The following CLIP1 variants were observed in gnomAD, a reference collection of about 807,000 sequenced individuals.
CLIP1 encodes the protein CAP-Gly domain containing linker protein 1, also known as CAP-Gly domain-containing linker protein 1.
Under a neutral mutation model 161.6 loss-of-function variants are expected in CLIP1, and 66 were observed. The observed-to-expected ratio is 0.41, with a 90% CI of 0.33 to 0.50. CLIP1 has a LOEUF of 0.50. Ranked by LOEUF, CLIP1 falls within the 20% of genes least tolerant of loss-of-function variation. The probability of loss-of-function intolerance (pLI) is 0.27; values close to 1 mark genes in which losing one functional copy is unlikely to be tolerated. For synonymous variants in CLIP1, 598 were observed against 626.2 expected, an observed-to-expected ratio of 0.96 and a Z score of 0.67; for missense variants, 1,376 against 1,702.0, an observed-to-expected ratio of 0.81 and a Z score of 3.37.
intron 20 of CLIP1, among the ~76,000 whole-genome samples, chr12:122,298,455 T>A (rs1950556314): frequency 6.6e-6 from 1 of 151,648 alleles, no homozygotes; most frequent in South Asian, 2.1e-4. Context: ...TAAAAAAAAA[T>A]TAGCTGGGCG....
At chr12:122,319,681 G>C (rs763022769) in intron 17 of CLIP1, among the ~76,000 whole-genome samples, 1 of 152,182 alleles carries the variant, frequency 6.6e-6, no homozygotes, top group Non-Finnish European at 1.5e-5. Flanking sequence ...GAGACCGTTC[G>C]GAGGTAACAA....
At chr12:122,319,423 G>GCC in intron 17 of CLIP1, 75 bp from the exon 18 acceptor site, 1 of 1,090,668 alleles carries the variant, frequency 9.2e-7, no homozygotes, top group Non-Finnish European at 1.4e-6. Flanking sequence ...GGGCTGTGCT[G>GCC]TTCAGGCAGC....
At chr12:122,306,476 G>A (rs969652746) in intron 20 of CLIP1, among the ~76,000 whole-genome samples, 6 of 152,092 alleles carry the variant, frequency 3.9e-5, no homozygotes, top group African/African-American at 7.2e-5. Context: ...AAACCTACAC[G>A]TCGTGCTCTA....
At chr12:122,316,905 G>T in intron 18 of CLIP1, 50 bp from the exon 19 acceptor site, 2 of 1,060,302 alleles carry the variant, frequency 1.9e-6, no homozygotes, top group South Asian at 1.7e-5. Context: ...ATTTTCCAGT[G>T]ACATGAATGA....
rs190753859 is a variant in CLIP1 at position 122,299,732 on chromosome 12, C to T, written c.3594+10030G>A. Among the ~76,000 whole-genome samples, 266 of 149,766 alleles carry T rather than the reference C, an allele frequency of 1.8e-3. 1 individual carries two copies. The highest frequency in any genetic ancestry group is 6.4e-3 in the African/African-American group (259 of 40,608). The stretch of plus-strand genomic sequence containing the variant: ...GAGATCGAGACCATCCTGGCTAGCA[C>T]GGTGAAACCCCGTCTCTACTAAAAA... On this transcript the variant is annotated intron_variant, in intron 20 of 25. Coordinates refer to ENST00000620786, the MANE Select transcript of CLIP1 (RefSeq NM_001247997.2).
chr12:122,349,828 G>A (rs1382396067), intron 9 of CLIP1, among the ~76,000 whole-genome samples: 1 of 152,186 alleles, frequency 6.6e-6, no homozygotes, highest in African/African-American at 2.4e-5. Context: ...GATCACTGAA[G>A]TAGCTTCACA....
intron 20 of CLIP1, among the ~76,000 whole-genome samples, chr12:122,309,480 A>C (rs1030028931): frequency 6.6e-6 from 1 of 152,228 alleles, no homozygotes; most frequent in Non-Finnish European, 1.5e-5. Context: ...CCTTCCATTT[A>C]AATGTTGAGC....
At chr12:122,413,707 A>G (rs540885256) in intron 1 of CLIP1, among the ~76,000 whole-genome samples, 1 of 152,296 alleles carries the variant, frequency 6.6e-6, no homozygotes, top group African/African-American at 2.4e-5. Flanking sequence ...AGGGTTCCCA[A>G]TAGGGATTCT....
At chr12:122,359,043 C>T (rs907654347) in intron 5 of CLIP1, among the ~76,000 whole-genome samples, 1 of 152,104 alleles carries the variant, frequency 6.6e-6, no homozygotes, top group African/African-American at 2.4e-5. Context: ...ACCTGGGCAA[C>T]AGCAAGACTC....
At chr12:122,321,384 T>G (rs536217567) in intron 17 of CLIP1, among the ~76,000 whole-genome samples, 1 of 151,512 alleles carries the variant, frequency 6.6e-6, no homozygotes, top group Non-Finnish European at 1.5e-5. Context: ...TAGCTGGGAT[T>G]ATAAGCGCAC....
intron 7 of CLIP1, among the ~76,000 whole-genome samples, chr12:122,353,916 T>A (rs928277980): frequency 2.0e-5 from 3 of 151,370 alleles, no homozygotes; most frequent in Non-Finnish European, 4.4e-5. Flanking sequence ...CAGGCGTGAG[T>A]CACTGCGCCC....
At chr12:122,385,773 T>C (rs998916092) in intron 1 of CLIP1, among the ~76,000 whole-genome samples, 1 of 152,092 alleles carries the variant, frequency 6.6e-6, no homozygotes, top group Non-Finnish European at 1.5e-5. Context: ...AATAGTAACA[T>C]ATCAGCAGGA....
chr12:122,380,326 G>C, intron 2 of CLIP1, 42 bp downstream of exon 2: 1 of 1,163,746 alleles, frequency 8.6e-7, no homozygotes, highest in Non-Finnish European at 1.2e-6. Context: ...GCAAATTGAA[G>C]TCTCCATATA....
chr12:122,293,002 C>CAAAAAAAAAAAAAAAAAAAAAAAA (rs57326141), intron 20 of CLIP1, among the ~76,000 whole-genome samples: 10 of 43,576 alleles, frequency 2.3e-4, no homozygotes, highest in African/African-American at 9.1e-4. Flanking sequence ...GACTCTGTCT[C>CAAAAAAAAAAAAAAAAAAAAAAAA]AAAAAAAAAA....
At chr12:122,356,898 C>A (rs2136506053) in intron 5 of CLIP1, among the ~76,000 whole-genome samples, 1 of 152,364 alleles carries the variant, frequency 6.6e-6, no homozygotes, top group African/African-American at 2.4e-5. Context: ...CCTCGGCCTC[C>A]CGAGGTGCCG....
chr12:122,371,985 A>G (rs10773103), intron 3 of CLIP1, among the ~76,000 whole-genome samples: 30,870 of 152,074 alleles, frequency 0.2, 3,510 homozygotes, highest in Admixed American at 0.26. Context: ...AAACTGAAAA[A>G]TGAAAAAAAA....
intron 4 of CLIP1, among the ~76,000 whole-genome samples, chr12:122,362,639 CAAAAAAAAAAAAAA>C (rs56183812): frequency 4.2e-4 from 8 of 19,130 alleles, no homozygotes; most frequent in East Asian, 2.5e-3. Context: ...GACTCCATCT[CAAAAAAAAAAAAAA>C]AAAAAAAAAA....
chr12:122,418,607 T>A (rs1956832310), intron 1 of CLIP1, among the ~76,000 whole-genome samples: 1 of 151,948 alleles, frequency 6.6e-6, no homozygotes. Context: ...AAAATTTTTT[T>A]AATTAGCCAG....
intron 1 of CLIP1, among the ~76,000 whole-genome samples, chr12:122,421,241 T>C (rs1456093049): frequency 6.6e-6 from 1 of 151,648 alleles, no homozygotes; most frequent in African/African-American, 2.4e-5. Context: ...ATGCCTTCAA[T>C]AAATGTTCAT....
Sources: gnomAD v4.1 joint callset for allele counts (sites outside exome capture counted in the v4.1 genomes callset) on GRCh38, gnomAD v4.1.1 for gene constraint, MANE v1.5 for transcripts, NCBI Gene and HGNC (gene_info 2026-07-23, HGNC 2026-07-21) for gene names.